Variants in CNTNAP2 observed in about 807,000 individuals in gnomAD.
CNTNAP2 encodes the protein contactin-associated protein-like 2.
In CNTNAP2, 98 loss-of-function variants were observed where a neutral mutation model predicts 155.2. That is an observed-to-expected ratio of 0.63 (90% CI 0.54 to 0.75). The LOEUF is 0.75. Among genes scored for constraint, CNTNAP2 ranks in the 30% least tolerant of loss-of-function variants. CNTNAP2 has a pLI of 0.00. For missense variants in CNTNAP2, 1,727 were observed against 1,688.1 expected (o/e 1.02, Z -0.40); for synonymous variants, 651 against 631.2 (o/e 1.03, Z -0.47).
At position 147,500,094 on chromosome 7, in the gene CNTNAP2, T is replaced by TA. The variant is rs58019031; in HGVS notation, c.1777+14060dup. 5.7e-3 allele frequency among the ~76,000 whole-genome samples: 869 copies of TA among 151,438 alleles called. 12 individuals carry two copies. Among genetic ancestry groups the TA allele is most frequent in the African/African-American group, 0.02 (828 of 41,274 alleles). On this transcript the variant is annotated intron_variant, in intron 11 of 23. Coordinates refer to ENST00000361727, the MANE Select transcript of CNTNAP2 (RefSeq NM_014141.6). ...GTAAAACCAGAGCAAGATTTTTTTT[T>TA]AAAAAAACTGGTAGTAAGCAGAAGT...
intron 10 of CNTNAP2, among the ~76,000 whole-genome samples, chr7:147,467,537 G>T (rs1798141491): frequency 6.6e-6 from 1 of 152,160 alleles, no homozygotes; most frequent in Non-Finnish European, 1.5e-5. Flanking sequence ...CCTCCAAAAT[G>T]TTGCGGGGAG....
intron 12 of CNTNAP2, among the ~76,000 whole-genome samples, chr7:147,607,681 T>A (rs1335300461): frequency 6.6e-6 from 1 of 152,196 alleles, no homozygotes. Flanking sequence ...TTTAGCCTGT[T>A]AATAGGGAAT....
At chr7:146,980,831 A>G (rs1798001719) in intron 3 of CNTNAP2, among the ~76,000 whole-genome samples, 1 of 152,192 alleles carries the variant, frequency 6.6e-6, no homozygotes, top group South Asian at 2.1e-4. Flanking sequence ...TGAGGAGACA[A>G]ACATCAAAAT....
intron 16 of CNTNAP2, among the ~76,000 whole-genome samples, chr7:148,131,087 CTTTT>C (rs755587892): frequency 9.3e-5 from 9 of 97,178 alleles, no homozygotes; most frequent in African/African-American, 1.3e-4. Flanking sequence ...TTTTCTTCTT[CTTTT>C]TTTTTTTTTT....
intron 10 of CNTNAP2, among the ~76,000 whole-genome samples, chr7:147,483,276 TGGG>T (rs1159700005): frequency 1.3e-5 from 2 of 152,068 alleles, no homozygotes; most frequent in East Asian, 3.9e-4. Context: ...TTAAATTATG[TGGG>T]AGGCTGTGCA....
intron 1 of CNTNAP2, among the ~76,000 whole-genome samples, chr7:146,583,028 G>T (rs966993068): frequency 7.2e-5 from 11 of 151,870 alleles, no homozygotes; most frequent in Non-Finnish European, 1.6e-4. Flanking sequence ...ATATCTTGGA[G>T]ATGGTTATCT....
intron 1 of CNTNAP2, among the ~76,000 whole-genome samples, chr7:146,430,597 A>C (rs1796160452): frequency 6.6e-6 from 1 of 152,058 alleles, no homozygotes; most frequent in Admixed American, 6.6e-5. Flanking sequence ...ACAATTAATC[A>C]GCATGGCCTG....
intron 13 of CNTNAP2, among the ~76,000 whole-genome samples, chr7:147,714,551 A>T (rs1053007885): frequency 4.6e-5 from 7 of 152,074 alleles, no homozygotes; most frequent in Admixed American, 3.3e-4. Context: ...TAATTATGAA[A>T]TATTCTCTTT....
intron 11 of CNTNAP2, among the ~76,000 whole-genome samples, chr7:147,508,224 T>G (rs1798948663): frequency 6.6e-6 from 1 of 152,178 alleles, no homozygotes; most frequent in South Asian, 2.1e-4. Context: ...TATCCCTGCA[T>G]CAAGCTTGGC....
intron 1 of CNTNAP2, among the ~76,000 whole-genome samples, chr7:146,266,396 T>G (rs970125730): frequency 5.9e-5 from 9 of 152,188 alleles, no homozygotes; most frequent in Non-Finnish European, 1.0e-4. Flanking sequence ...AAAAATTCTG[T>G]TTTTCTTTAA....
intron 9 of CNTNAP2, among the ~76,000 whole-genome samples, chr7:147,315,478 CTTTTT>C (rs3050776): frequency 3.8e-5 from 4 of 103,916 alleles, no homozygotes; most frequent in South Asian, 3.4e-4. Flanking sequence ...TTATTCTGGA[CTTTTT>C]TTTTTTTTTT....
chr7:146,721,638 ATATT>A lies in CNTNAP2; in HGVS notation c.98-52632_98-52629del, dbSNP rs1354911212. 5.5e-3 allele frequency among the ~76,000 whole-genome samples: 659 copies of A among 120,286 alleles called. 19 individuals carry two copies. Among genetic ancestry groups the A allele is most frequent in the Middle Eastern group, 0.016 (2 of 128 alleles). The allele number at this position is 120,286 out of a possible 152,430, so 78.9% of individuals were successfully genotyped here. A position where few individuals can be genotyped will look rare whatever the true frequency, so the allele number is the denominator to read the frequency against. On this transcript the variant is annotated intron_variant, in intron 1 of 23. Coordinates refer to ENST00000361727, the MANE Select transcript of CNTNAP2 (RefSeq NM_014141.6). ...TATATATTCTATATACATTCTATATATATTCTATATATATTCTATATACATTCTA... is the reference window on the plus strand; with the variant it reads ...TATATATTCTATATACATTCTATATACTATATATATTCTATATACATTCTA...
chr7:146,972,117 A>G (rs1362310563), intron 3 of CNTNAP2, among the ~76,000 whole-genome samples: 1 of 152,184 alleles, frequency 6.6e-6, no homozygotes, highest in Non-Finnish European at 1.5e-5. Context: ...GGTCATTGTA[A>G]TGTTGAGGGG....
At chr7:146,574,553 TA>T (rs1798493859) in intron 1 of CNTNAP2, among the ~76,000 whole-genome samples, 1 of 152,040 alleles carries the variant, frequency 6.6e-6, no homozygotes, top group Non-Finnish European at 1.5e-5. Flanking sequence ...ATGCAACAAT[TA>T]GCTGGGAGTT....
intron 1 of CNTNAP2, among the ~76,000 whole-genome samples, chr7:146,283,410 C>G (rs1330396321): frequency 6.6e-6 from 1 of 152,088 alleles, no homozygotes; most frequent in Non-Finnish European, 1.5e-5. Flanking sequence ...CTCTGTGGCT[C>G]AGGCTGGAGT....
chr7:146,723,094 G>A (rs772487932), intron 1 of CNTNAP2, among the ~76,000 whole-genome samples: 3 of 152,120 alleles, frequency 2.0e-5, no homozygotes, highest in Non-Finnish European at 4.4e-5. Flanking sequence ...TGCAGATAGG[G>A]TCCTAGCAGA....
intron 10 of CNTNAP2, among the ~76,000 whole-genome samples, chr7:147,421,363 C>G (rs545156873): frequency 6.6e-6 from 1 of 151,962 alleles, no homozygotes; most frequent in Non-Finnish European, 1.5e-5. Context: ...AGATGGTAGA[C>G]ATTGTAGAGT....
At chr7:146,828,185 A>T (rs1437299569) in intron 2 of CNTNAP2, among the ~76,000 whole-genome samples, 1 of 152,086 alleles carries the variant, frequency 6.6e-6, no homozygotes. Flanking sequence ...TATAGTAAAT[A>T]AGGAAATGAC....
At chr7:146,929,591 A>C (rs1796698557) in intron 3 of CNTNAP2, among the ~76,000 whole-genome samples, 1 of 152,214 alleles carries the variant, frequency 6.6e-6, no homozygotes, top group Middle Eastern at 3.2e-3. Context: ...TGGACGGAGA[A>C]TGACTTTGAC....
Sources: gnomAD v4.1 joint callset for allele counts (sites outside exome capture counted in the v4.1 genomes callset) on GRCh38, gnomAD v4.1.1 for gene constraint, MANE v1.5 for transcripts, NCBI Gene and HGNC (gene_info 2026-07-23, HGNC 2026-07-21) for gene names.